The following FAM133B variants were observed in gnomAD, a reference collection of about 807,000 sequenced individuals.
The protein encoded by FAM133B is protein FAM133B.
In FAM133B, 25 loss-of-function variants were observed where a neutral mutation model predicts 46.4. That is an observed-to-expected ratio of 0.54 (90% confidence interval 0.39 to 0.75). FAM133B has a LOEUF of 0.75. Among genes scored for constraint, FAM133B ranks in the 30% least tolerant of loss-of-function variants. The pLI, the probability that FAM133B is intolerant of heterozygous loss-of-function variation, is 0.00. For synonymous variants in FAM133B, 75 were observed against 86.0 expected (o/e 0.87, Z 0.71); for missense variants, 205 against 277.6 (o/e 0.74, Z 1.86).
chr7:92,586,810 G>A (rs762988596), intron 1 of FAM133B, among the ~76,000 whole-genome samples: 4 of 152,076 alleles, frequency 2.6e-5, no homozygotes, highest in Admixed American at 2.0e-4. Flanking sequence ...TATTTTAGAG[G>A]TCCCAAAGTA....
intron 8 of FAM133B, among the ~76,000 whole-genome samples, chr7:92,571,204 A>G (rs1435705198): frequency 6.6e-6 from 1 of 152,166 alleles, no homozygotes; most frequent in African/African-American, 2.4e-5. Flanking sequence ...TTCTCCCACC[A>G]TGTCCAAAAC....
intron 1 of FAM133B, chr7:92,585,256 C>T (rs1711624137): frequency 2.0e-6 from 1 of 494,780 alleles, no homozygotes; most frequent in Non-Finnish European, 2.6e-6. Context: ...GGATGTAGAA[C>T]ATCTTCCTCA....
chr7:92,575,557 T>C (rs1190255774), intron 8 of FAM133B, among the ~76,000 whole-genome samples: 2 of 152,250 alleles, frequency 1.3e-5, no homozygotes, highest in African/African-American at 4.8e-5. Context: ...AGATAATCCA[T>C]TAATCTATAT....
In FAM133B at chr7:92,577,650, CT is replaced by C; in HGVS notation, c.372+4del. On this transcript the variant is annotated splice_donor_region_variant and intron_variant, in intron 6 of 10. Transcript: ENST00000445716. The stretch of plus-strand genomic sequence containing the variant: ...ATTTCATGAACCATTATAAGCAAAC[CT>C]TACCTCATCTTCAGAATCAGAAGAA... 6.3e-7 allele frequency: 1 copy of C among 1,575,048 alleles called. No homozygotes were observed. The highest frequency in any genetic ancestry group is 8.6e-7 in the Non-Finnish European group (1 of 1,158,992).
At chr7:92,569,787 T>G in intron 9 of FAM133B, 36 bp downstream of exon 9, 1 of 1,093,496 alleles carries the variant, frequency 9.1e-7, no homozygotes. Context: ...ACTAAGCATT[T>G]TAAAATAGAG....
At chr7:92,564,166 C>G (rs563484479) in intron 10 of FAM133B, among the ~76,000 whole-genome samples, 2 of 152,258 alleles carry the variant, frequency 1.3e-5, no homozygotes, top group South Asian at 2.1e-4. Context: ...ATATATCAAG[C>G]TTATTCTCAC....
In FAM133B at chr7:92,563,062, G is replaced by A. The variant is rs73230490; in HGVS notation, c.658-694C>T. Among the ~76,000 whole-genome samples the A allele has an allele frequency of 5.4e-3, 825 of 152,266 alleles. 1 individual carries two copies. The highest frequency in any genetic ancestry group is 8.1e-3 in the Non-Finnish European group (553 of 68,020). The stretch of plus-strand genomic sequence containing the variant: ...GACTCTCCTATTTTTGTTATAGAAC[G>A]CAGAACTTTTAGAAACACAGATACT... On this transcript the variant is annotated intron_variant, in intron 10 of 10. Transcript: ENST00000445716.
intron 1 of FAM133B, among the ~76,000 whole-genome samples, chr7:92,586,428 A>G (rs2116426226): frequency 6.6e-6 from 1 of 152,328 alleles, no homozygotes; most frequent in East Asian, 1.9e-4. Context: ...AGGAGTTTTC[A>G]TTTTTGTATC....
At chr7:92,585,700 A>C (rs920783609) in intron 1 of FAM133B, among the ~76,000 whole-genome samples, 3 of 152,190 alleles carry the variant, frequency 2.0e-5, no homozygotes, top group Admixed American at 1.3e-4. Context: ...AATAACTAAA[A>C]ATTTAAAAAT....
At chr7:92,580,446 A>G (rs918953257) in intron 2 of FAM133B, among the ~76,000 whole-genome samples, 7 of 152,166 alleles carry the variant, frequency 4.6e-5, no homozygotes, top group Admixed American at 3.3e-4. Context: ...CAGCCTCAAT[A>G]AAAACCCTGG....
chr7:92,580,063 T>C (rs898282428), intron 2 of FAM133B, among the ~76,000 whole-genome samples: 3 of 152,094 alleles, frequency 2.0e-5, no homozygotes, highest in African/African-American at 7.2e-5. Flanking sequence ...CCTGTTTTCC[T>C]TCTGGGAAGC....
At chr7:92,566,181 A>T in intron 9 of FAM133B, 120 bp from the exon 10 acceptor site, 1 of 855,818 alleles carries the variant, frequency 1.2e-6, no homozygotes, top group Non-Finnish European at 1.8e-6. Context: ...CATTTTGACA[A>T]TCACAGGACA....
chr7:92,588,464 C>T (rs545850873), intron 1 of FAM133B, among the ~76,000 whole-genome samples: 5 of 152,284 alleles, frequency 3.3e-5, no homozygotes, highest in African/African-American at 9.6e-5. Context: ...ATAATTTCAA[C>T]GCCATGACAA....
At chr7:92,565,612 C>CACCAT in intron 10 of FAM133B, 1 of 168,254 alleles carries the variant, frequency 5.9e-6, no homozygotes, top group South Asian at 1.5e-4. Flanking sequence ...TATAGGTGCC[C>CACCAT]GCCACCATGC....
At chr7:92,586,117 C>G (rs1795030720) in intron 1 of FAM133B, among the ~76,000 whole-genome samples, 1 of 152,140 alleles carries the variant, frequency 6.6e-6, no homozygotes, top group Non-Finnish European at 1.5e-5. Flanking sequence ...GAGGAAAATG[C>G]TAGTAAAGTA....
At chr7:92,584,418 G>T (rs61358436) in intron 1 of FAM133B, among the ~76,000 whole-genome samples, 9,321 of 152,172 alleles carry the variant, frequency 0.061, 607 homozygotes, top group East Asian at 0.31. Flanking sequence ...TATACTTCCA[G>T]ATTTCTCTGT....
At chr7:92,590,067 C>G (rs1215731138) in intron 1 of FAM133B, 3 of 658,700 alleles carry the variant, frequency 4.6e-6, no homozygotes, top group Non-Finnish European at 7.7e-6. Flanking sequence ...AAGGGGCGGG[C>G]AAGAGAGAGC....
intron 1 of FAM133B, among the ~76,000 whole-genome samples, chr7:92,588,219 C>T (rs969110334): frequency 6.6e-6 from 1 of 152,056 alleles, no homozygotes; most frequent in Non-Finnish European, 1.5e-5. Context: ...TAAGTAGAGC[C>T]CAGAGCTATC....
At chr7:92,578,004 T>C in intron 5 of FAM133B, 146 bp downstream of exon 5, 1 of 740,876 alleles carries the variant, frequency 1.3e-6, no homozygotes, top group Non-Finnish European at 2.2e-6. Context: ...TAGAACAAAA[T>C]CACTCTTCAC....
Sources: gnomAD v4.1 joint callset for allele counts (sites outside exome capture counted in the v4.1 genomes callset) on GRCh38, gnomAD v4.1.1 for gene constraint, MANE v1.5 for transcripts, NCBI Gene and HGNC (gene_info 2026-07-23, HGNC 2026-07-21) for gene names.